The following WDFY4 variants were observed in gnomAD, a reference collection of about 807,000 sequenced individuals.
The protein encoded by WDFY4 is WD repeat- and FYVE domain-containing protein 4.
In WDFY4, 169 loss-of-function variants were observed where a neutral mutation model predicts 351.9. That is an observed-to-expected ratio of 0.48 (90% CI 0.42 to 0.55). The LOEUF (loss-of-function observed/expected upper bound fraction) is 0.55, where lower values mean the gene tolerates loss of function less well. Among genes scored for constraint, WDFY4 ranks in the 20% least tolerant of loss-of-function variants. The pLI, the probability that WDFY4 is intolerant of heterozygous loss-of-function variation, is 0.00. For synonymous variants in WDFY4, 1,622 were observed against 1,574.6 expected (o/e 1.03, Z -0.71); for missense variants, 3,803 against 3,935.6 (o/e 0.97, Z 0.90).
At chr10:48,965,025 G>A (rs557367741) in intron 54 of WDFY4, among the ~76,000 whole-genome samples, 16 of 152,236 alleles carry the variant, frequency 1.1e-4, no homozygotes, top group Non-Finnish European at 2.1e-4. Context: ...GGCACATCCA[G>A]TGTGGGTTTG....
chr10:48,822,330 G>T, intron 34 of WDFY4, 50 bp from the exon 35 acceptor site: 2 of 1,479,724 alleles, frequency 1.4e-6, no homozygotes, highest in Non-Finnish European at 1.8e-6. Flanking sequence ...GATTGTCATG[G>T]ACAGAAGTCC....
At chr10:48,927,969 C>G (rs1181461264) in intron 47 of WDFY4, among the ~76,000 whole-genome samples, 1 of 152,218 alleles carries the variant, frequency 6.6e-6, no homozygotes, top group Non-Finnish European at 1.5e-5. Flanking sequence ...AACACACAAA[C>G]CAACCTCAAG....
chr10:48,769,675 C>T (rs1366866883), intron 13 of WDFY4, among the ~76,000 whole-genome samples: 1 of 152,170 alleles, frequency 6.6e-6, no homozygotes, highest in Non-Finnish European at 1.5e-5. Flanking sequence ...ATGCTGAACC[C>T]AACACCCATG....
chr10:48,830,590 C>T, intron 37 of WDFY4, 110 bp from the exon 38 acceptor site: 2 of 1,241,584 alleles, frequency 1.6e-6, no homozygotes, highest in African/African-American at 1.5e-5. Context: ...ATGTTCAAGA[C>T]CTTAAGTGAG....
intron 46 of WDFY4, 112 bp downstream of exon 46, chr10:48,900,418 G>A (rs1311801017): frequency 2.0e-5 from 20 of 990,672 alleles, no homozygotes; most frequent in South Asian, 5.1e-5. Context: ...CACAGTGAAC[G>A]CCACTCAGGC....
intron 21 of WDFY4, among the ~76,000 whole-genome samples, chr10:48,789,195 A>G (rs1363638508): frequency 1.3e-5 from 2 of 152,252 alleles, no homozygotes; most frequent in East Asian, 1.9e-4. Flanking sequence ...TTAAAACAAC[A>G]AACAAACAAA....
rs1327571113 is a variant in WDFY4 at position 48,959,787 on chromosome 10, C to T, written c.8197C>T (p.Arg2733Trp). The T allele has an allele frequency of 1.4e-5, 22 of 1,551,056 alleles. No individual in the cohort carries two copies. The highest frequency in any genetic ancestry group is 2.4e-5 in the East Asian group (1 of 40,916). ...QLPPWADGDP[R>W]KFISLHRKAL... ...CCCTCCCTGGGCTGATGGGGACCCT[C>T]GGAAATTCATCAGCCTGCACAGAAA... The change falls in exon 53 of 62, where the codon CGG becomes TGG. Residue 2733 changes from arginine to tryptophan, a missense_variant. Physicochemically the swap from Arg to Trp is moderately radical, Grantham distance 101. This residue lies in a region of WDFY4 where 3,054 missense variants were observed against 3,148.6 expected (regional missense o/e 0.97). Coordinates refer to ENST00000325239, the MANE Select transcript of WDFY4 (RefSeq NM_001394531.1).
At chr10:48,825,206 T>C (rs539725339) in intron 35 of WDFY4, among the ~76,000 whole-genome samples, 49 of 152,288 alleles carry the variant, frequency 3.2e-4, no homozygotes, top group Middle Eastern at 3.4e-3. Context: ...TGAGAACATG[T>C]GGTATTTAGT....
At chr10:48,903,366 CT>C in intron 47 of WDFY4, among the ~76,000 whole-genome samples, 1 of 152,172 alleles carries the variant, frequency 6.6e-6, no homozygotes. Context: ...ACTCTGGCTG[CT>C]GTGCCAAGAA....
chr10:48,773,366 A>G (rs1178226885), intron 13 of WDFY4, among the ~76,000 whole-genome samples: 2 of 152,240 alleles, frequency 1.3e-5, no homozygotes, highest in Non-Finnish European at 2.9e-5. Flanking sequence ...ACTTGATACG[A>G]CATCTTATCC....
At chr10:48,917,797 G>A (rs1176222462) in intron 47 of WDFY4, among the ~76,000 whole-genome samples, 5 of 152,198 alleles carry the variant, frequency 3.3e-5, no homozygotes, top group Non-Finnish European at 7.3e-5. Context: ...GGGGATAAAG[G>A]AAGTGCAATG....
intron 49 of WDFY4, 54 bp from the exon 50 acceptor site, chr10:48,945,986 C>T (rs936426414): frequency 8.0e-7 from 1 of 1,248,532 alleles, no homozygotes; most frequent in African/African-American, 1.6e-5. Context: ...AGCGTGGCTC[C>T]TAGGGCACAA....
intron 47 of WDFY4, among the ~76,000 whole-genome samples, chr10:48,928,096 T>G (rs1420846754): frequency 6.6e-6 from 1 of 152,132 alleles, no homozygotes; most frequent in African/African-American, 2.4e-5. Flanking sequence ...ACAGGTGTTA[T>G]TTTGTCTTCT....
rs532947302 is a variant in WDFY4, at chr10:48,808,774, C to A, written c.4838+816C>A. Among the ~76,000 whole-genome samples, 16 of 152,294 alleles carry A rather than the reference C, an allele frequency of 1.1e-4. No individual in the cohort carries two copies. In the Middle Eastern group the frequency reaches 0.014, roughly 130 times the overall value. ...GAGATAGTCCAGCCACTTTCTTTTC[C>A]ATCTTTTTGAAAGGGAATGTAGTGC... is the stretch of plus-strand genomic sequence containing the variant. On this transcript the variant is annotated intron_variant, in intron 28 of 61. Transcript: ENST00000325239.
intron 60 of WDFY4, among the ~76,000 whole-genome samples, chr10:48,979,249 C>T (rs997802242): frequency 6.6e-6 from 1 of 152,200 alleles, no homozygotes; most frequent in Non-Finnish European, 1.5e-5. Context: ...GAGACCACCA[C>T]AAGGAGTCAG....
intron 55 of WDFY4, chr10:48,966,978 C>A: frequency 2.6e-6 from 1 of 380,988 alleles, no homozygotes; most frequent in Non-Finnish European, 4.8e-6. Flanking sequence ...CTTCCTCTTC[C>A]TCTCTTTTAT....
chr10:48,919,527 C>T (rs911501394), intron 47 of WDFY4, among the ~76,000 whole-genome samples: 2 of 152,204 alleles, frequency 1.3e-5, no homozygotes, highest in Non-Finnish European at 2.9e-5. Context: ...TTGTAAGCAA[C>T]ATAAATTTAT....
chr10:48,742,571 A>G (rs547009153), intron 11 of WDFY4, among the ~76,000 whole-genome samples: 1 of 152,176 alleles, frequency 6.6e-6, no homozygotes, highest in Non-Finnish European at 1.5e-5. Context: ...CATCTCGTGG[A>G]GCTTCAGTCT....
At chr10:48,781,021 C>G (rs1206004563) in intron 19 of WDFY4, among the ~76,000 whole-genome samples, 1 of 152,176 alleles carries the variant, frequency 6.6e-6, no homozygotes, top group Admixed American at 6.5e-5. Context: ...TGTTCCTCCC[C>G]TGACCTTGCC....
Sources: gnomAD v4.1 joint callset for allele counts (sites outside exome capture counted in the v4.1 genomes callset) on GRCh38, gnomAD v4.1.1 for gene constraint, gnomAD v4.1.1 regional missense constraint, MANE v1.5 for transcripts, NCBI Gene and HGNC (gene_info 2026-07-23, HGNC 2026-07-21) for gene names.